Variants in CCDC60 observed in about 807,000 individuals in gnomAD.
CCDC60 encodes the protein coiled-coil domain containing 60.
In CCDC60, 54 loss-of-function variants were observed where a neutral mutation model predicts 63.5. That is an observed-to-expected ratio of 0.85 (90% CI 0.68 to 1.07). CCDC60 has a LOEUF of 1.07. CCDC60 is among the 50% of genes least tolerant of loss of function. The pLI is 0.00. For missense variants in CCDC60, 651 were observed against 684.3 expected, an observed-to-expected ratio of 0.95 and a Z score of 0.54; for synonymous variants, 206 against 238.8, an observed-to-expected ratio of 0.86 and a Z score of 1.27.
intron 1 of CCDC60, among the ~76,000 whole-genome samples, chr12:119,425,878 A>G (rs1447019155): frequency 1.3e-5 from 2 of 152,192 alleles, no homozygotes; most frequent in South Asian, 4.1e-4. Flanking sequence ...TCAGTCATTC[A>G]GGGCCTCCCC....
chr12:119,457,881 G>GT (rs1159855816), intron 2 of CCDC60, among the ~76,000 whole-genome samples: 26 of 152,250 alleles, frequency 1.7e-4, no homozygotes, highest in African/African-American at 5.1e-4. Context: ...TGTCAATTTG[G>GT]CAGCCAGGCT....
At position 119,500,238 on chromosome 12, in the gene CCDC60, A is replaced by C. The variant is rs566273271; in HGVS notation, c.648+70A>C. 1.1e-4 allele frequency: 113 copies of C among 1,068,462 alleles called. 1 individual carries two copies. Among genetic ancestry groups the C allele is most frequent in the East Asian group, 9.7e-4 (38 of 39,180 alleles). 66.2% of individuals were successfully genotyped at this position (1,068,462 alleles called of 1,614,324 possible). A position where few individuals can be genotyped will look rare whatever the true frequency, so the allele number is the denominator to read the frequency against. On this transcript the variant is annotated intron_variant, in intron 6 of 13. Transcript: ENST00000327554. ...GCTTGTGTTGAGGAGTATTTTTGCC[A>C]GTCTTTTCTCTGATGGGAATTTTTT...
intron 5 of CCDC60, among the ~76,000 whole-genome samples, chr12:119,489,738 T>C (rs966837143): frequency 1.3e-5 from 2 of 152,000 alleles, no homozygotes; most frequent in Non-Finnish European, 2.9e-5. Context: ...CCCCCCGTGC[T>C]AACCCATGCC....
intron 6 of CCDC60, among the ~76,000 whole-genome samples, chr12:119,502,501 A>C (rs74999461): frequency 0.014 from 2,116 of 152,312 alleles, 52 homozygotes; most frequent in African/African-American, 0.048. Context: ...GTCAATTCAG[A>C]GAGGTTCAGT....
intron 1 of CCDC60, among the ~76,000 whole-genome samples, chr12:119,409,214 C>T (rs914289581): frequency 2.0e-5 from 3 of 152,042 alleles, no homozygotes; most frequent in East Asian, 1.9e-4. Flanking sequence ...CTGGGTGCCC[C>T]GGGATCTCCA....
intron 2 of CCDC60, among the ~76,000 whole-genome samples, chr12:119,458,504 C>T (rs1447591402): frequency 6.6e-6 from 1 of 152,048 alleles, no homozygotes; most frequent in Non-Finnish European, 1.5e-5. Flanking sequence ...AATCCCATGC[C>T]CCCCATAATA....
At chr12:119,527,270 G>C (rs1378385644) in intron 11 of CCDC60, among the ~76,000 whole-genome samples, 1 of 152,070 alleles carries the variant, frequency 6.6e-6, no homozygotes, top group Non-Finnish European at 1.5e-5. Flanking sequence ...CTTGAGGGGG[G>C]ATGGTGGGAG....
intron 6 of CCDC60, among the ~76,000 whole-genome samples, chr12:119,500,931 G>C (rs1951836530): frequency 6.6e-6 from 1 of 152,146 alleles, no homozygotes; most frequent in South Asian, 2.1e-4. Flanking sequence ...CAGTTATTAA[G>C]AGGACACCAA....
intron 1 of CCDC60, among the ~76,000 whole-genome samples, chr12:119,424,115 A>G (rs981594694): frequency 1.3e-5 from 2 of 152,190 alleles, no homozygotes; most frequent in Non-Finnish European, 2.9e-5. Flanking sequence ...AATTTATTGT[A>G]TTTACTTCCA....
chr12:119,503,994 G>T (rs925184364), intron 6 of CCDC60, among the ~76,000 whole-genome samples: 1 of 152,038 alleles, frequency 6.6e-6, no homozygotes, highest in South Asian at 2.1e-4. Flanking sequence ...ATAAACTATA[G>T]CCCACTCTGT....
At chr12:119,386,256 C>T (rs534201524) in intron 1 of CCDC60, among the ~76,000 whole-genome samples, 1 of 152,260 alleles carries the variant, frequency 6.6e-6, no homozygotes, top group South Asian at 2.1e-4. Context: ...CCTCAAACCT[C>T]CCTGTTCTCA....
chr12:119,388,723 T>A (rs1451973259), intron 1 of CCDC60, among the ~76,000 whole-genome samples: 1 of 152,250 alleles, frequency 6.6e-6, no homozygotes, highest in Non-Finnish European at 1.5e-5. Flanking sequence ...AATAAACACT[T>A]AAATTATGTA....
rs377122532 is a variant in CCDC60, at chr12:119,445,008, C to G, written c.170+16246C>G. On this transcript the variant is annotated intron_variant, in intron 2 of 13. Coordinates refer to ENST00000327554, the MANE Select transcript of CCDC60 (RefSeq NM_178499.5). Reference sequence around the variant, plus strand: ...ACAGTGATGTGGAAGGCAATGTTTCCCCAAAGTGAAAATACCCTCAACCTC... The same window carrying G: ...ACAGTGATGTGGAAGGCAATGTTTCGCCAAAGTGAAAATACCCTCAACCTC... Among the ~76,000 whole-genome samples the G allele has an allele frequency of 1.3e-4, 19 of 151,860 alleles. No homozygotes were observed. In the East Asian group the frequency reaches 1.9e-3, roughly 15 times the overall value.
At chr12:119,433,369 T>TG (rs1442508422) in intron 2 of CCDC60, 2 of 701,164 alleles carry the variant, frequency 2.9e-6, no homozygotes, top group East Asian at 5.4e-5. Flanking sequence ...TTTAACGTTC[T>TG]GCTCGGACAC....
intron 1 of CCDC60, among the ~76,000 whole-genome samples, chr12:119,342,866 C>T (rs1389116417): frequency 6.6e-6 from 1 of 151,418 alleles, no homozygotes. Flanking sequence ...CCATCTGTTT[C>T]ACTGTTTGGT....
chr12:119,504,079 G>A (rs1951926709), intron 6 of CCDC60, among the ~76,000 whole-genome samples: 1 of 152,092 alleles, frequency 6.6e-6, no homozygotes, highest in Admixed American at 6.6e-5. Flanking sequence ...ATGTCATAAA[G>A]AATCATTAGC....
At chr12:119,359,232 A>G (rs1955747633) in intron 1 of CCDC60, among the ~76,000 whole-genome samples, 1 of 152,112 alleles carries the variant, frequency 6.6e-6, no homozygotes, top group South Asian at 2.1e-4. Flanking sequence ...TTTATTGGCC[A>G]TTTGGATATA....
chr12:119,394,550 C>G (rs1415964572), intron 1 of CCDC60, among the ~76,000 whole-genome samples: 1 of 152,172 alleles, frequency 6.6e-6, no homozygotes, highest in Non-Finnish European at 1.5e-5. Context: ...TCTAGTTACT[C>G]CCAGAATGAA....
rs749099455 is a variant in CCDC60 at position 119,530,985 on chromosome 12, A to AC, written c.1477dup (p.His493ProfsTer19). ...GAGAAAACCTGGACTTGCGGATTCG[A>AC]CCCCATGTCCTCCTGAAGGTGCTGC... On this transcript the variant is annotated frameshift_variant, in exon 13 of 14. Transcript: ENST00000327554. LOFTEE classifies it high-confidence loss of function. The AC allele has an allele frequency of 1.9e-6, 3 of 1,614,008 alleles. No individual in the cohort carries two copies. Among genetic ancestry groups the AC allele is most frequent in the Non-Finnish European group, 2.5e-6 (3 of 1,179,976 alleles).
Sources: gnomAD v4.1 joint callset for allele counts (sites outside exome capture counted in the v4.1 genomes callset) on GRCh38, gnomAD v4.1.1 for gene constraint, MANE v1.5 for transcripts, NCBI Gene and HGNC (gene_info 2026-07-23, HGNC 2026-07-21) for gene names.